Variants in ZNF609 observed in about 807,000 individuals in gnomAD.
ZNF609 encodes zinc finger protein 609.
ZNF609 carries 11 observed loss-of-function variants against 109.5 expected under a neutral mutation model. The ratio of observed to expected loss-of-function variants is 0.10; its 90% CI spans 0.06 to 0.17. The LOEUF is 0.17. Among genes scored for constraint, ZNF609 ranks in the 10% least tolerant of loss-of-function variants. ZNF609 has a pLI of 1.00. For synonymous variants in ZNF609, 646 were observed against 662.0 expected (o/e 0.98, Z 0.37); for missense variants, 1,559 against 1,772.4 (o/e 0.88, Z 2.16).
intron 2 of ZNF609, chr15:64,502,150 A>G (rs1019143264): frequency 6.6e-6 from 1 of 152,236 alleles, no homozygotes; most frequent in Admixed American, 6.5e-5. Flanking sequence ...ATTGCTGGCA[A>G]TTACTTTTAG....
At chr15:64,635,164 C>A (rs1427797979) in intron 3 of ZNF609, among the ~76,000 whole-genome samples, 1 of 152,106 alleles carries the variant, frequency 6.6e-6, no homozygotes, top group Non-Finnish European at 1.5e-5. Context: ...CACAGTCAGG[C>A]AGTATATATA....
In ZNF609 at chr15:64,560,377, T is replaced by TC. The variant is rs1182484837; in HGVS notation, c.747+60217dup. 1.4e-4 allele frequency among the ~76,000 whole-genome samples: 21 copies of TC among 150,932 alleles called. No individual in the cohort carries two copies. In the South Asian group the frequency reaches 1.5e-3, roughly 11 times the overall value. ...TGGTTTTTTAATTTGTTTTTTTTTT[T>TC]CCCCCCGCAGAAGATCCTTTGGTTT... On this transcript the variant is annotated intron_variant, in intron 2 of 9. Coordinates refer to ENST00000326648, the MANE Select transcript of ZNF609 (RefSeq NM_015042.2).
At chr15:64,602,679 TTC>T (rs1485978486) in intron 2 of ZNF609, among the ~76,000 whole-genome samples, 2 of 151,376 alleles carry the variant, frequency 1.3e-5, no homozygotes, top group Non-Finnish European at 2.9e-5. Context: ...GACTCATGAC[TTC>T]TATTAACTAC....
In ZNF609 at chr15:64,514,087, CA is replaced by C. The variant is rs371289323; in HGVS notation, c.747+13938del. Among the ~76,000 whole-genome samples, 197 of 97,050 alleles carry C rather than the reference CA, an allele frequency of 2.0e-3. 1 individual carries two copies. Among genetic ancestry groups the C allele is most frequent in the Middle Eastern group, 0.011 (2 of 174 alleles). The allele number at this position is 97,050 out of a possible 152,430, so 63.7% of individuals were successfully genotyped here. ...AGCCTGGGCAGCAGAGCAAGACCCT[CA>C]AAAAAAAAAAAAAAAACCACCAGTT... On this transcript the variant is annotated intron_variant, in intron 2 of 9. Transcript: ENST00000326648.
chr15:64,536,101 G>A (rs1013057128), intron 2 of ZNF609, among the ~76,000 whole-genome samples: 3 of 151,838 alleles, frequency 2.0e-5, no homozygotes, highest in African/African-American at 7.3e-5. Flanking sequence ...TGCCATTGTA[G>A]CTTTGAACTC....
chr15:64,683,592 T>C lies in ZNF609; in HGVS notation c.*1906T>C, dbSNP rs2083223994. On this transcript the variant is annotated 3_prime_UTR_variant, in exon 10 of 10. Transcript: ENST00000326648. ...TGCCTTCTGCTGCCCTCATGGGCAG[T>C]GCTCTGAGCAGTGACCTCCCTTTCC... 6.6e-6 allele frequency: 1 copy of C among 152,298 alleles called. No individual in the cohort carries two copies. Among genetic ancestry groups the C allele is most frequent in the Non-Finnish European group, 1.5e-5 (1 of 68,094 alleles). 9.4% of individuals were successfully genotyped at this position (152,298 alleles called of 1,614,324 possible). A position where few individuals can be genotyped will look rare whatever the true frequency, so the allele number is the denominator to read the frequency against.
rs1384269367 is a variant in ZNF609, at chr15:64,529,214, G to A, written c.747+29048G>A. The A allele has an allele frequency of 9.6e-6, 7 of 726,966 alleles. No homozygotes were observed. In the East Asian group the frequency reaches 1.8e-4, roughly 19 times the overall value. 45.0% of individuals were successfully genotyped at this position (726,966 alleles called of 1,614,324 possible). A position where few individuals can be genotyped will look rare whatever the true frequency, so the allele number is the denominator to read the frequency against. ...GCTGGGGCGCTAAGCAGTTGGTGATGCAGGAGGCATTGCTGACGATCTTGA... is the reference window on the plus strand; with the variant it reads ...GCTGGGGCGCTAAGCAGTTGGTGATACAGGAGGCATTGCTGACGATCTTGA... On this transcript the variant is annotated intron_variant, in intron 2 of 9. Transcript: ENST00000326648.
chr15:64,630,564 ATTCTTTT>A (rs1325568983), intron 3 of ZNF609, among the ~76,000 whole-genome samples: 2 of 151,806 alleles, frequency 1.3e-5, no homozygotes, highest in African/African-American at 4.8e-5. Context: ...TTGACTCTCC[ATTCTTTT>A]TTCTTTTTGA....
intron 2 of ZNF609, chr15:64,529,638 C>G: frequency 1.1e-6 from 1 of 882,732 alleles, no homozygotes; most frequent in Non-Finnish European, 1.9e-6. Context: ...CCAGTACGAC[C>G]AAATCTGTTG....
intron 3 of ZNF609, among the ~76,000 whole-genome samples, chr15:64,661,411 T>C (rs976892143): frequency 6.6e-6 from 1 of 152,192 alleles, no homozygotes; most frequent in Admixed American, 6.5e-5. Context: ...AGGTGCTCAT[T>C]TGTGGAATAA....
At chr15:64,655,941 T>A (rs1334198424) in intron 3 of ZNF609, among the ~76,000 whole-genome samples, 1 of 152,128 alleles carries the variant, frequency 6.6e-6, no homozygotes, top group Non-Finnish European at 1.5e-5. Flanking sequence ...AGTAATTAAC[T>A]AACAAGGGGA....
chr15:64,624,797 T>C (rs1390165792), intron 3 of ZNF609, among the ~76,000 whole-genome samples: 1 of 148,788 alleles, frequency 6.7e-6, no homozygotes, highest in African/African-American at 2.5e-5. Context: ...TCTCACCCTG[T>C]CACCCAGGCT....
intron 2 of ZNF609, among the ~76,000 whole-genome samples, chr15:64,606,097 G>A (rs1012189682): frequency 6.7e-6 from 1 of 148,966 alleles, no homozygotes; most frequent in South Asian, 2.1e-4. Flanking sequence ...AGCAGGATTA[G>A]CATTTTAAAT....
intron 3 of ZNF609, among the ~76,000 whole-genome samples, chr15:64,645,974 G>T (rs1896328416): frequency 6.6e-6 from 1 of 152,174 alleles, no homozygotes; most frequent in Non-Finnish European, 1.5e-5. Flanking sequence ...AAACAGTTTG[G>T]TGGATCCTCA....
chr15:64,607,797 A>G (rs1409304519), intron 2 of ZNF609, among the ~76,000 whole-genome samples: 3 of 143,150 alleles, frequency 2.1e-5, no homozygotes, highest in African/African-American at 7.7e-5. Context: ...CATCTACTGC[A>G]CCTGGCCTTA....
intron 2 of ZNF609, among the ~76,000 whole-genome samples, chr15:64,560,140 G>A (rs1894653021): frequency 6.6e-6 from 1 of 152,086 alleles, no homozygotes; most frequent in African/African-American, 2.4e-5. Context: ...CCACCTCCCA[G>A]GTTCAAGTGA....
At chr15:64,473,062 G>A (rs1299153279) in intron 1 of ZNF609, among the ~76,000 whole-genome samples, 1 of 151,662 alleles carries the variant, frequency 6.6e-6, no homozygotes, top group Non-Finnish European at 1.5e-5. Context: ...GAAGAAATTT[G>A]TTTCTACTTG....
chr15:64,560,782 A>G (rs1466234211), intron 2 of ZNF609, among the ~76,000 whole-genome samples: 1 of 152,248 alleles, frequency 6.6e-6, no homozygotes, highest in Non-Finnish European at 1.5e-5. Flanking sequence ...GCTGAAGTCC[A>G]TAGAATGTAT....
intron 1 of ZNF609, among the ~76,000 whole-genome samples, chr15:64,462,418 T>G (rs1001840896): frequency 6.6e-6 from 1 of 152,182 alleles, no homozygotes; most frequent in African/African-American, 2.4e-5. Context: ...AATGGAACAC[T>G]CATGCAGTGA....
Sources: gnomAD v4.1 joint callset for allele counts (sites outside exome capture counted in the v4.1 genomes callset) on GRCh38, gnomAD v4.1.1 for gene constraint, MANE v1.5 for transcripts, NCBI Gene and HGNC (gene_info 2026-07-23, HGNC 2026-07-21) for gene names.